Variants in MAML3 observed in about 807,000 individuals in gnomAD.
MAML3 encodes the protein mastermind like transcriptional coactivator 3.
In MAML3, 27 loss-of-function variants were observed where a neutral mutation model predicts 101.9. The observed-to-expected ratio is 0.27, with a 90% CI of 0.20 to 0.37. The LOEUF is 0.37. MAML3 is among the 10% of genes least tolerant of loss of function. MAML3 has a pLI of 1.00. For synonymous variants in MAML3, 501 were observed against 555.9 expected (o/e 0.90, Z 1.39); for missense variants, 1,316 against 1,444.9 (o/e 0.91, Z 1.45).
In MAML3 at chr4:139,830,705, C is replaced by T. The variant is rs150776152; in HGVS notation, c.2079+58652G>A. 1.9e-3 allele frequency among the ~76,000 whole-genome samples: 291 copies of T among 152,004 alleles called. 11 individuals are homozygous for T. In the East Asian group the frequency reaches 0.053, roughly 27 times the overall value. On this transcript the variant is annotated intron_variant, in intron 2 of 4. Coordinates refer to ENST00000509479, the MANE Select transcript of MAML3 (RefSeq NM_018717.5). ...CTGGGATTACAGGCGTGAGCCACTG[C>T]GCCTGGCCTACACTGTGTTAATTTT... is the stretch of plus-strand genomic sequence containing the variant.
In MAML3 at chr4:139,989,882, C is replaced by CACACACACAGAG. The variant is rs1385720650; in HGVS notation, c.469-98916_469-98915insCTCTGTGTGTGT. On this transcript the variant is annotated intron_variant, in intron 1 of 4. Transcript: ENST00000509479. Reference sequence around the variant, plus strand: ...ACACACACACACACACACACACACACAGAGAGAGAGAGAGAGAGAAAGAGA... The same window carrying CACACACACAGAG: ...ACACACACACACACACACACACACACACACACACAGAGAGAGAGAGAGAGAGAGAGAAAGAGA... Among the ~76,000 whole-genome samples, 496 of 63,102 alleles carry CACACACACAGAG rather than the reference C, an allele frequency of 7.9e-3. 2 individuals carry two copies. Among genetic ancestry groups the CACACACACAGAG allele is most frequent in the African/African-American group, 0.028 (484 of 17,222 alleles). The allele number at this position is 63,102 out of a possible 152,430, so 41.4% of individuals were successfully genotyped here.
intron 1 of MAML3, among the ~76,000 whole-genome samples, chr4:139,914,851 C>G (rs560091119): frequency 3.0e-4 from 46 of 152,228 alleles, no homozygotes; most frequent in Non-Finnish European, 5.6e-4. Flanking sequence ...CCACTGGAGA[C>G]TTTGAGGTTT....
intron 1 of MAML3, among the ~76,000 whole-genome samples, chr4:140,008,124 C>T (rs1337436703): frequency 6.6e-6 from 1 of 152,180 alleles, no homozygotes; most frequent in Non-Finnish European, 1.5e-5. Flanking sequence ...GTGGGCAGAC[C>T]ACCTGAGGTC....
intron 1 of MAML3, among the ~76,000 whole-genome samples, chr4:139,942,632 C>CT (rs760397954): frequency 0.01 from 1,462 of 144,278 alleles, 19 homozygotes; most frequent in African/African-American, 0.027. Flanking sequence ...AATTTCATTA[C>CT]TTTTTTTTTT....
At chr4:140,056,250 A>G (rs1727347053) in intron 1 of MAML3, among the ~76,000 whole-genome samples, 1 of 152,180 alleles carries the variant, frequency 6.6e-6, no homozygotes, top group Admixed American at 6.5e-5. Flanking sequence ...TCTACATTCC[A>G]GTTTCCCAAG....
At chr4:139,936,810 T>A (rs1363137882) in intron 1 of MAML3, among the ~76,000 whole-genome samples, 1 of 152,176 alleles carries the variant, frequency 6.6e-6, no homozygotes, top group Non-Finnish European at 1.5e-5. Context: ...GCCACTTAAA[T>A]AGCGTTTAAA....
At chr4:139,843,194 G>A (rs551631012) in intron 2 of MAML3, among the ~76,000 whole-genome samples, 4 of 152,192 alleles carry the variant, frequency 2.6e-5, no homozygotes, top group South Asian at 2.1e-4. Context: ...AAAGCTCTAC[G>A]TGTACCCACC....
At chr4:140,060,541 G>C (rs1394600451) in intron 1 of MAML3, among the ~76,000 whole-genome samples, 1 of 151,744 alleles carries the variant, frequency 6.6e-6, no homozygotes, top group East Asian at 1.9e-4. Context: ...CTTTGAACAG[G>C]GCATGTCTAG....
chr4:140,152,812 C>CCCCCCCCCACCCG, intron 1 of MAML3, 48 bp downstream of exon 1: 1 of 1,578,496 alleles, frequency 6.3e-7, no homozygotes, highest in Non-Finnish European at 8.6e-7. Flanking sequence ...CCCACCACCA[C>CCCCCCCCCACCCG]CACCACCCCC....
intron 2 of MAML3, among the ~76,000 whole-genome samples, chr4:139,792,562 T>C (rs1730433038): frequency 6.6e-6 from 1 of 152,192 alleles, no homozygotes; most frequent in Admixed American, 6.5e-5. Flanking sequence ...TAAAATGTTA[T>C]ATACTTGCTG....
At chr4:140,104,408 A>ATATATTATATATTATATAATATATAAT (rs368174569) in intron 1 of MAML3, among the ~76,000 whole-genome samples, 3 of 54,954 alleles carry the variant, frequency 5.5e-5, no homozygotes, top group African/African-American at 2.7e-4. Flanking sequence ...TATAATATAT[A>ATATATTATATATTATATAATATATAAT]ATATAATATA....
At chr4:140,081,691 C>T (rs771790602) in intron 1 of MAML3, among the ~76,000 whole-genome samples, 1 of 152,120 alleles carries the variant, frequency 6.6e-6, no homozygotes, top group Non-Finnish European at 1.5e-5. Context: ...TATGTAGCCG[C>T]TGCTACAAAT....
At chr4:139,931,182 A>C (rs1733386459) in intron 1 of MAML3, among the ~76,000 whole-genome samples, 1 of 152,112 alleles carries the variant, frequency 6.6e-6, no homozygotes, top group South Asian at 2.1e-4. Flanking sequence ...AAAAATCTCA[A>C]GACAGCGCCA....
chr4:139,909,052 A>C (rs1732870317), intron 1 of MAML3, among the ~76,000 whole-genome samples: 1 of 152,234 alleles, frequency 6.6e-6, no homozygotes, highest in African/African-American at 2.4e-5. Flanking sequence ...TCTAGTAGTT[A>C]GAGGTTTGCG....
rs569193676 is a variant in MAML3 at position 139,976,751 on chromosome 4, A to G, written c.469-85784T>C. Among the ~76,000 whole-genome samples the G allele has an allele frequency of 3.3e-5, 5 of 152,258 alleles. No individual in the cohort carries two copies. The East Asian group carries it at 9.7e-4, about 29-fold the overall frequency. On this transcript the variant is annotated intron_variant, in intron 1 of 4. Coordinates refer to ENST00000509479, the MANE Select transcript of MAML3 (RefSeq NM_018717.5). ...AGAGGCATTTGCTTAATTAAGTTTG[A>G]TTCTATACTTATTTTTCTGCCTTTT...
At position 139,735,362 on chromosome 4, in the gene MAML3, T is replaced by G. The variant is rs1463021739; in HGVS notation, c.2080-4695A>C. On this transcript the variant is annotated intron_variant, in intron 2 of 4. Coordinates refer to ENST00000509479, the MANE Select transcript of MAML3 (RefSeq NM_018717.5). The surrounding 1 kb of genome is among the most constrained non-coding windows in gnomAD (Gnocchi z 5.8). ...GAACTGGTTTCTCATTACCGACTTT[T>G]CTTCCAGCCGGAGGGGAGGAAGAAT... 6.6e-6 allele frequency among the ~76,000 whole-genome samples: 1 copy of G among 151,956 alleles called. No individual in the cohort carries two copies. The highest frequency in any genetic ancestry group is 2.4e-5 in the African/African-American group (1 of 41,364).
At chr4:139,956,956 A>C (rs1322120855) in intron 1 of MAML3, among the ~76,000 whole-genome samples, 1 of 152,204 alleles carries the variant, frequency 6.6e-6, no homozygotes. Context: ...TTAGCTTGCT[A>C]GATATTAATA....
chr4:139,837,711 G>A (rs1453025955), intron 2 of MAML3, among the ~76,000 whole-genome samples: 2 of 152,088 alleles, frequency 1.3e-5, no homozygotes, highest in African/African-American at 2.4e-5. Context: ...CCTGAGGTCA[G>A]GAGTTCAAGA....
At chr4:139,939,560 G>A (rs923397957) in intron 1 of MAML3, among the ~76,000 whole-genome samples, 16 of 152,076 alleles carry the variant, frequency 1.1e-4, no homozygotes, top group Admixed American at 8.5e-4. Context: ...CAACAAGGGG[G>A]TCTTTGCTGT....
Sources: allele counts gnomAD v4.1 joint callset (sites outside exome capture counted in the v4.1 genomes callset), GRCh38; gene constraint gnomAD v4.1.1; non-coding constraint Gnocchi (gnomAD v3.1); transcripts MANE v1.5; gene names NCBI Gene and HGNC (gene_info 2026-07-23, HGNC 2026-07-21).